Variants in ZNF407 observed in about 807,000 individuals in gnomAD.
ZNF407 encodes the protein zinc finger protein 407.
ZNF407 carries 17 observed loss-of-function variants against 131.2 expected under a neutral mutation model. The ratio of observed to expected loss-of-function variants is 0.13; its 90% CI spans 0.09 to 0.19. The LOEUF (loss-of-function observed/expected upper bound fraction) is 0.19, where lower values mean the gene tolerates loss of function less well. Among genes scored for constraint, ZNF407 ranks in the 10% least tolerant of loss-of-function variants. The pLI is 1.00. For synonymous variants in ZNF407, 1,156 were observed against 1,062.0 expected (o/e 1.09, Z -1.72); for missense variants, 2,681 against 2,830.6 (o/e 0.95, Z 1.20).
At chr18:74,852,134 C>T (rs1304857907) in intron 4 of ZNF407, among the ~76,000 whole-genome samples, 1 of 151,808 alleles carries the variant, frequency 6.6e-6, no homozygotes, top group Non-Finnish European at 1.5e-5. Flanking sequence ...TAAAAACATT[C>T]TGTGTTTATC....
At chr18:75,034,523 C>T (rs1172834772) in intron 8 of ZNF407, among the ~76,000 whole-genome samples, 2 of 151,264 alleles carry the variant, frequency 1.3e-5, no homozygotes, top group African/African-American at 4.9e-5. Context: ...AGGATGGTCT[C>T]GATCTCCTGA....
intron 3 of ZNF407, among the ~76,000 whole-genome samples, chr18:74,773,047 G>A (rs985236841): frequency 1.3e-5 from 2 of 152,090 alleles, no homozygotes; most frequent in East Asian, 3.9e-4. Context: ...TTACAATATT[G>A]TCAATGCAGA....
intron 8 of ZNF407, among the ~76,000 whole-genome samples, chr18:74,932,291 ACT>A (rs1971991677): frequency 4.6e-5 from 7 of 152,322 alleles, no homozygotes. Context: ...TATTGAAAAC[ACT>A]GTCCTTCCTT....
chr18:74,710,492 G>T (rs1967732617), intron 3 of ZNF407, among the ~76,000 whole-genome samples: 1 of 152,166 alleles, frequency 6.6e-6, no homozygotes, highest in Non-Finnish European at 1.5e-5. Context: ...AGGTTTGACT[G>T]AATGTAAGTT....
chr18:74,859,915 T>C (rs1466091852), intron 4 of ZNF407, among the ~76,000 whole-genome samples: 3 of 152,170 alleles, frequency 2.0e-5, no homozygotes, highest in African/African-American at 7.2e-5. Context: ...TCACAAATAG[T>C]GTCATACCTA....
rs1970354509 is a variant in ZNF407 at position 74,822,491 on chromosome 18, A to C, written c.4877+40989A>C. Among the ~76,000 whole-genome samples the C allele has an allele frequency of 2.0e-5, 3 of 152,192 alleles. No homozygotes were observed. In the South Asian group the frequency reaches 6.2e-4, roughly 32 times the overall value. On this transcript the variant is annotated intron_variant, in intron 4 of 8. Coordinates refer to ENST00000299687, the MANE Select transcript of ZNF407 (RefSeq NM_017757.3). Reference sequence around the variant, plus strand: ...TTTAGTTTTCTGCATATGGCTAGCCAGTTTTCCAAACACCATTTATTAAAT... The same window carrying C: ...TTTAGTTTTCTGCATATGGCTAGCCCGTTTTCCAAACACCATTTATTAAAT...
In ZNF407 at chr18:74,699,818, C is replaced by T. The variant is rs1967449451; in HGVS notation, c.4802+58696C>T. On this transcript the variant is annotated intron_variant, in intron 3 of 8. Transcript: ENST00000299687. ...TTAAGTAATAGGTCCAGTAGTATGA[C>T]ATAGATTTTCTAACATCTTTGTAAT... 2.0e-5 allele frequency among the ~76,000 whole-genome samples: 3 copies of T among 152,226 alleles called. No homozygotes were observed. The South Asian group carries it at 6.2e-4, about 32-fold the overall frequency.
chr18:75,056,920 G>T (rs879837000), intron 8 of ZNF407, among the ~76,000 whole-genome samples: 2 of 151,862 alleles, frequency 1.3e-5, no homozygotes, highest in Non-Finnish European at 2.9e-5. Context: ...TGTTAATATT[G>T]TTTCATTTTA....
chr18:74,782,640 G>A (rs1359773408), intron 4 of ZNF407, among the ~76,000 whole-genome samples: 2 of 151,290 alleles, frequency 1.3e-5, no homozygotes, highest in Admixed American at 6.6e-5. Context: ...CTTCATTTGA[G>A]ATGGAGTCTT....
chr18:74,919,518 T>C (rs971714523), intron 7 of ZNF407, among the ~76,000 whole-genome samples: 2 of 152,186 alleles, frequency 1.3e-5, no homozygotes, highest in Non-Finnish European at 2.9e-5. Flanking sequence ...ACAATACCTT[T>C]GGGAAATGGT....
chr18:74,975,352 G>A (rs959299052), intron 8 of ZNF407, among the ~76,000 whole-genome samples: 6 of 152,086 alleles, frequency 3.9e-5, no homozygotes, highest in African/African-American at 9.7e-5. Context: ...TTGTTTGATC[G>A]GTGTAATCTA....
chr18:74,634,720 G>A lies in ZNF407; in HGVS notation c.3701G>A (p.Gly1234Glu). Residue 1234 changes from glycine (G) to glutamate (E), a missense_variant, in exon 2 of 9, where the codon GGA becomes GAA. Physicochemically the swap from Gly to Glu is moderately conservative, Grantham distance 98. This residue lies in a region of ZNF407 where 1,789 missense variants were observed against 1,748.7 expected (regional missense o/e 1.02). Coordinates refer to ENST00000299687, the MANE Select transcript of ZNF407 (RefSeq NM_017757.3). ...CTGCGTGTCCATTGTGAGGGTGAAG[G>A]AGGAAACGCAGGAGACGGTGGAGGT... ...GELRVHCEGE[G>E]GNAGDGGGVV... is the part of the protein sequence containing the mutation. 2 of 1,614,054 alleles carry A rather than the reference G, an allele frequency of 1.2e-6. No homozygotes were observed. The highest frequency in any genetic ancestry group is 1.7e-6 in the Non-Finnish European group (2 of 1,179,906).
intron 3 of ZNF407, among the ~76,000 whole-genome samples, chr18:74,691,342 C>G (rs73482714): frequency 0.016 from 2,427 of 151,632 alleles, 70 homozygotes; most frequent in African/African-American, 0.056. Context: ...AACATTGAGT[C>G]TCTTTATATG....
chr18:74,792,327 T>C (rs993076621), intron 4 of ZNF407, among the ~76,000 whole-genome samples: 3 of 152,008 alleles, frequency 2.0e-5, no homozygotes, highest in African/African-American at 7.3e-5. Context: ...AAGTTTTTAT[T>C]TAAATTAGAC....
intron 7 of ZNF407, among the ~76,000 whole-genome samples, chr18:74,913,124 T>A (rs1971697064): frequency 6.6e-6 from 1 of 152,214 alleles, no homozygotes; most frequent in Non-Finnish European, 1.5e-5. Context: ...GAATTGTAAA[T>A]TGCTACAATT....
At chr18:74,618,629 A>G (rs1456798895) in intron 1 of ZNF407, among the ~76,000 whole-genome samples, 2 of 152,180 alleles carry the variant, frequency 1.3e-5, no homozygotes, top group African/African-American at 2.4e-5. Context: ...CATTGCTTCA[A>G]TAACGTTTAG....
At chr18:75,034,502 C>G (rs576056702) in intron 8 of ZNF407, among the ~76,000 whole-genome samples, 1 of 151,734 alleles carries the variant, frequency 6.6e-6, no homozygotes, top group Admixed American at 6.6e-5. Context: ...CGGGGTTTCA[C>G]CATGTTAGCC....
At chr18:74,702,112 G>T (rs567863466) in intron 3 of ZNF407, among the ~76,000 whole-genome samples, 1 of 152,242 alleles carries the variant, frequency 6.6e-6, no homozygotes, top group Non-Finnish European at 1.5e-5. Context: ...ATCAGAGGTG[G>T]CATTACATTT....
chr18:74,810,392 T>A (rs28501202), intron 4 of ZNF407, among the ~76,000 whole-genome samples: 2,794 of 151,990 alleles, frequency 0.018, 82 homozygotes, highest in African/African-American at 0.057. Context: ...CACCACTTGA[T>A]GTACTGAATG....
Sources: gnomAD v4.1 joint callset for allele counts (sites outside exome capture counted in the v4.1 genomes callset) on GRCh38, gnomAD v4.1.1 for gene constraint, gnomAD v4.1.1 regional missense constraint, MANE v1.5 for transcripts, NCBI Gene and HGNC (gene_info 2026-07-23, HGNC 2026-07-21) for gene names.